SNRNP200: variants seen among roughly 807,000 people sequenced by gnomAD.
SNRNP200 encodes the protein small nuclear ribonucleoprotein U5 subunit 200, also known as U5 small nuclear ribonucleoprotein 200 kDa helicase.
Under a neutral mutation model 255.2 loss-of-function variants are expected in SNRNP200, and 66 were observed. The ratio of observed to expected loss-of-function variants is 0.26; its 90% CI spans 0.21 to 0.32. The LOEUF is 0.32. Ranked by LOEUF, SNRNP200 falls within the 10% of genes least tolerant of loss-of-function variation. The probability of loss-of-function intolerance (pLI) is 1.00; values close to 1 mark genes in which losing one functional copy is unlikely to be tolerated. For missense variants in SNRNP200, 1,585 were observed against 2,749.8 expected, an observed-to-expected ratio of 0.58 and a Z score of 9.47; for synonymous variants, 939 against 1,027.8, an observed-to-expected ratio of 0.91 and a Z score of 1.65.
intron 35 of SNRNP200, 197 bp from the exon 36 acceptor site, chr2:96,279,756 A>G (rs1029016169): frequency 1.7e-6 from 1 of 577,708 alleles, no homozygotes; most frequent in Non-Finnish European, 3.2e-6. Flanking sequence ...TTTAGTATTC[A>G]GTGTAAGGGC....
chr2:96,278,118 A>G lies in SNRNP200; in HGVS notation c.5610+119T>C. ...TGAGGGAGGTATGGAGCGGGAGGAC[A>G]TATGGCGGGGGTCGGGGGATGCGTA... On this transcript the variant is annotated intron_variant, in intron 39 of 44. Transcript: ENST00000323853. This position sits in a 1 kb window ranked among gnomAD's most constrained non-coding sequence, Gnocchi z 6.9. The G allele has an allele frequency of 6.5e-7, 1 of 1,547,304 alleles. No homozygotes were observed. Among genetic ancestry groups the G allele is most frequent in the South Asian group, 1.1e-5 (1 of 89,064 alleles).
chr2:96,278,131 C>T lies in SNRNP200; in HGVS notation c.5610+106G>A, dbSNP rs1261814627. ...GAGCGGGAGGACATATGGCGGGGGT[C>T]GGGGGATGCGTATGGGCGTGTTGGT... On this transcript the variant is annotated intron_variant, in intron 39 of 44. Coordinates refer to ENST00000323853, the MANE Select transcript of SNRNP200 (RefSeq NM_014014.5). This position sits in a 1 kb window ranked among gnomAD's most constrained non-coding sequence, Gnocchi z 6.9. The T allele has an allele frequency of 1.5e-5, 23 of 1,572,386 alleles. No individual in the cohort carries two copies. Among genetic ancestry groups the T allele is most frequent in the Admixed American group, 3.3e-5 (2 of 59,834 alleles).
At chr2:96,300,577 C>T (rs2063946055) in intron 5 of SNRNP200, among the ~76,000 whole-genome samples, 1 of 152,104 alleles carries the variant, frequency 6.6e-6, no homozygotes. Flanking sequence ...CCTTGGCTAA[C>T]ACGGTGAAAC....
chr2:96,297,989 C>T (rs185948832), intron 9 of SNRNP200, among the ~76,000 whole-genome samples: 18 of 152,138 alleles, frequency 1.2e-4, no homozygotes, highest in Non-Finnish European at 2.4e-4. Flanking sequence ...AGGGTGGGTT[C>T]CATTAAGCAA....
chr2:96,282,158 A>AC (rs1558764611), intron 34 of SNRNP200: 1 of 499,216 alleles, frequency 2.0e-6, no homozygotes, highest in African/African-American at 1.9e-5. Flanking sequence ...ATAGAACAGA[A>AC]CCCAAAGCCC....
rs1161580103 is a variant in SNRNP200, at chr2:96,284,665, C to T, written c.4165-80G>A. 5 of 953,592 alleles carry T rather than the reference C, an allele frequency of 5.2e-6. No homozygotes were observed. In the East Asian group the frequency reaches 1.2e-4, roughly 23 times the overall value. 59.1% of individuals were successfully genotyped at this position (953,592 alleles called of 1,614,324 possible). On this transcript the variant is annotated intron_variant, in intron 30 of 44. Coordinates refer to ENST00000323853, the MANE Select transcript of SNRNP200 (RefSeq NM_014014.5). ...ACTTATGTGAGGAAAACCTGAGATGCCAAACAGACCTGTTGACCTGCAGAT... is the reference window on the plus strand; with the variant it reads ...ACTTATGTGAGGAAAACCTGAGATGTCAAACAGACCTGTTGACCTGCAGAT...
chr2:96,275,958 A>T (rs1684648759), intron 43 of SNRNP200, among the ~76,000 whole-genome samples: 1 of 152,222 alleles, frequency 6.6e-6, no homozygotes, highest in Non-Finnish European at 1.5e-5. Context: ...GTGAGCCGAG[A>T]TCGCGCCACT....
chr2:96,284,396 C>T lies in SNRNP200; in HGVS notation c.4354G>A (p.Val1452Met), dbSNP rs2063829024. 9.3e-6 allele frequency: 15 copies of T among 1,614,160 alleles called. No individual in the cohort carries two copies. Among genetic ancestry groups the T allele is most frequent in the African/African-American group, 1.3e-5 (1 of 75,034 alleles). Residue 1452 changes from valine to methionine, a missense_variant, in exon 31 of 45, where the codon GTG becomes ATG. Physicochemically the swap from Val to Met is conservative, Grantham distance 21 (BLOSUM62 1). Coordinates refer to ENST00000323853, the MANE Select transcript of SNRNP200 (RefSeq NM_014014.5). The stretch of plus-strand genomic sequence containing the variant: ...CCGATAAGGTGGACCTCATCCACCA[C>T]GAAGAGGTTGATGTTCTGCACGTTC... ...RKNVQNINLFVVDEVHLIGGE... is the reference protein window; with the variant it reads ...RKNVQNINLFMVDEVHLIGGE...
At chr2:96,304,925 T>C (rs2063977228) in intron 1 of SNRNP200, 57 bp from the exon 2 acceptor site, 1 of 1,579,526 alleles carries the variant, frequency 6.3e-7, no homozygotes, top group Non-Finnish European at 8.6e-7. Flanking sequence ...ATTCCTACTA[T>C]CATAGTTACC....
At chr2:96,289,445 A>T in intron 21 of SNRNP200, 66 bp from the exon 22 acceptor site, 1 of 1,546,904 alleles carries the variant, frequency 6.5e-7, no homozygotes, top group Non-Finnish European at 8.9e-7. Flanking sequence ...ACTGTGGACC[A>T]TAAGTTACTG....
Position 96,286,231 on chromosome 2 carries a change from C to T in SNRNP200, c.4003+80G>A. The T allele has an allele frequency of 6.9e-7, 1 of 1,456,910 alleles. No individual in the cohort carries two copies. 90.2% of individuals were successfully genotyped at this position (1,456,910 alleles called of 1,614,324 possible). On this transcript the variant is annotated intron_variant, in intron 29 of 44. Coordinates refer to ENST00000323853, the MANE Select transcript of SNRNP200 (RefSeq NM_014014.5). This position sits in a 1 kb window ranked among gnomAD's most constrained non-coding sequence, Gnocchi z 4.8. Reference sequence around the variant, plus strand: ...CAGACCTCCCAAGTGCCTGAGCACCCCCACTCCCCTGCCTGCCACAGAGCA... The same window carrying T: ...CAGACCTCCCAAGTGCCTGAGCACCTCCACTCCCCTGCCTGCCACAGAGCA...
Position 96,283,481 on chromosome 2 carries a change from T to C in SNRNP200, c.4763+54A>G. 1 of 1,613,170 alleles carries C rather than the reference T, an allele frequency of 6.2e-7. No individual in the cohort carries two copies. The highest frequency in any genetic ancestry group is 8.5e-7 in the Non-Finnish European group (1 of 1,179,526). On this transcript the variant is annotated intron_variant, in intron 33 of 44. Transcript: ENST00000323853. This position sits in a 1 kb window ranked among gnomAD's most constrained non-coding sequence, Gnocchi z 4.7. The stretch of plus-strand genomic sequence containing the variant: ...CCTCATAAAGAGGACACCCTTGGAG[T>C]AGGCCAGCCTCACTTAACCTAACCC...
At chr2:96,276,774 A>T (rs754694197) in intron 43 of SNRNP200, 130 bp downstream of exon 43, 1 of 920,602 alleles carries the variant, frequency 1.1e-6, no homozygotes, top group Non-Finnish European at 1.8e-6. Flanking sequence ...CTCAAGATTA[A>T]TTCTCACCCT....
In SNRNP200 at chr2:96,287,800, T is replaced by C; in HGVS notation, c.3365+63A>G. On this transcript the variant is annotated intron_variant, in intron 25 of 44. Coordinates refer to ENST00000323853, the MANE Select transcript of SNRNP200 (RefSeq NM_014014.5). The surrounding 1 kb of genome is among the most constrained non-coding windows in gnomAD (Gnocchi z 5.7). ...TCAGATGCACCCTGAGGCTTTCCCA[T>C]CAGACCCTTGGGTTGGGGACCCCCA... The C allele has an allele frequency of 7.2e-7, 1 of 1,394,046 alleles. No individual in the cohort carries two copies. Among genetic ancestry groups the C allele is most frequent in the Non-Finnish European group, 1.0e-6 (1 of 979,104 alleles). The allele number at this position is 1,394,046 out of a possible 1,614,324, so 86.4% of individuals were successfully genotyped here.
chr2:96,302,233 C>G (rs895563110), intron 3 of SNRNP200, among the ~76,000 whole-genome samples: 2 of 152,194 alleles, frequency 1.3e-5, no homozygotes, highest in Non-Finnish European at 2.9e-5. Context: ...TGAATATTAA[C>G]AGCACCTATT....
chr2:96,285,516 C>T, intron 29 of SNRNP200, 176 bp from the exon 30 acceptor site: 1 of 674,660 alleles, frequency 1.5e-6, no homozygotes, highest in East Asian at 2.7e-5. Context: ...CCCTACTGTA[C>T]CCCCTTACCT....
At chr2:96,303,627 C>T (rs750004030) in intron 2 of SNRNP200, among the ~76,000 whole-genome samples, 7 of 152,158 alleles carry the variant, frequency 4.6e-5, no homozygotes, top group African/African-American at 9.7e-5. Flanking sequence ...CAGTGGTTCA[C>T]GCCTGTAATC....
Position 96,297,347 on chromosome 2 carries a change from A to C in SNRNP200, c.1377+16T>G. On this transcript the variant is annotated intron_variant, in intron 11 of 44. Coordinates refer to ENST00000323853, the MANE Select transcript of SNRNP200 (RefSeq NM_014014.5). ...AGGTGAACTGAGCAGAGAACTGAAG[A>C]AAGCAATTCACTTACTTCTTCTGAG... is the stretch of plus-strand genomic sequence containing the variant. The C allele has an allele frequency of 6.2e-7, 1 of 1,612,764 alleles. No homozygotes were observed.
rs777256446 is a variant in SNRNP200, at chr2:96,283,217, C to T, written c.4899G>A (p.Glu1633=). 3.1e-6 allele frequency: 5 copies of T among 1,614,208 alleles called. 1 individual carries two copies. The South Asian group carries it at 3.3e-5, about 11-fold the overall frequency. The part of the protein sequence containing the change: ...GLSPMERRLV[E]QLFSSGAIQV... ...CTGACTTACCTGAGCTGAAGAGCTGCTCCACCAGGCGTCGCTCCATGGGGC... is the reference window on the plus strand; with the variant it reads ...CTGACTTACCTGAGCTGAAGAGCTGTTCCACCAGGCGTCGCTCCATGGGGC... Residue 1633 remains glutamate (E), a synonymous_variant, in exon 34 of 45, where the codon GAG becomes GAA. Coordinates refer to ENST00000323853, the MANE Select transcript of SNRNP200 (RefSeq NM_014014.5). This position sits in a 1 kb window ranked among gnomAD's most constrained non-coding sequence, Gnocchi z 4.7.
Sources: allele counts gnomAD v4.1 joint callset (sites outside exome capture counted in the v4.1 genomes callset), GRCh38; gene constraint gnomAD v4.1.1; non-coding constraint Gnocchi (gnomAD v3.1); transcripts MANE v1.5; gene names NCBI Gene and HGNC (gene_info 2026-07-23, HGNC 2026-07-21).